Variants in ETV6 observed in about 807,000 individuals in gnomAD.
ETV6 encodes the protein transcription factor ETV6.
Under a neutral mutation model 51.1 loss-of-function variants are expected in ETV6, and 16 were observed. That is an observed-to-expected ratio of 0.31 (90% CI 0.21 to 0.48). The LOEUF (loss-of-function observed/expected upper bound fraction) is 0.48, where lower values mean the gene tolerates loss of function less well. Ranked by LOEUF, ETV6 falls within the 20% of genes least tolerant of loss-of-function variation. The pLI, the probability that ETV6 is intolerant of heterozygous loss-of-function variation, is 0.99. For synonymous variants in ETV6, 240 were observed against 224.1 expected (o/e 1.07, Z -0.64); for missense variants, 458 against 594.8 (o/e 0.77, Z 2.39).
At chr12:11,843,125 A>G (rs533348112) in intron 3 of ETV6, among the ~76,000 whole-genome samples, 8 of 152,238 alleles carry the variant, frequency 5.3e-5, no homozygotes, top group Non-Finnish European at 1.0e-4. Context: ...CAGAATTTCA[A>G]GGCGATGCCT....
chr12:11,662,490 G>A (rs537641061), intron 1 of ETV6, among the ~76,000 whole-genome samples: 8 of 152,328 alleles, frequency 5.3e-5, no homozygotes, highest in African/African-American at 1.7e-4. Context: ...GTGTGCGTTC[G>A]TTGTTAGCCA....
At chr12:11,885,781 G>A (rs904343243) in intron 6 of ETV6, 145 bp from the exon 7 acceptor site, 6 of 604,548 alleles carry the variant, frequency 9.9e-6, no homozygotes, top group South Asian at 2.1e-5. Context: ...GAAGGCAGCC[G>A]ATTAGCAGGT....
chr12:11,757,316 C>G (rs1263076200), intron 2 of ETV6, among the ~76,000 whole-genome samples: 1 of 152,184 alleles, frequency 6.6e-6, no homozygotes, highest in African/African-American at 2.4e-5. Context: ...AAGACAGCCA[C>G]GTGACAGGCA....
At chr12:11,834,366 C>A (rs1473957988) in intron 2 of ETV6, among the ~76,000 whole-genome samples, 1 of 152,148 alleles carries the variant, frequency 6.6e-6, no homozygotes. Flanking sequence ...GAACCTAGAG[C>A]AAATTCCTGT....
At chr12:11,730,021 T>C (rs534847117) in intron 1 of ETV6, among the ~76,000 whole-genome samples, 1 of 152,246 alleles carries the variant, frequency 6.6e-6, no homozygotes, top group African/African-American at 2.4e-5. Context: ...TACTGGGGGA[T>C]TTTTCTGTGC....
At chr12:11,689,243 AT>A (rs1428041052) in intron 1 of ETV6, among the ~76,000 whole-genome samples, 1 of 152,070 alleles carries the variant, frequency 6.6e-6, no homozygotes, top group Non-Finnish European at 1.5e-5. Flanking sequence ...CCATAATACA[AT>A]TTTATGCTGT....
chr12:11,863,209 A>C (rs143788263), intron 4 of ETV6, among the ~76,000 whole-genome samples: 81 of 152,298 alleles, frequency 5.3e-4, no homozygotes, highest in African/African-American at 1.9e-3. Context: ...GTTATTTATT[A>C]TTTATAGCAT....
intron 3 of ETV6, among the ~76,000 whole-genome samples, chr12:11,851,808 C>G (rs1400679914): frequency 4.6e-5 from 7 of 152,022 alleles, no homozygotes; most frequent in Admixed American, 1.3e-4. Context: ...CTCAGGAATC[C>G]CTTAGAATAG....
In ETV6 at chr12:11,708,060, G is replaced by A. The variant is rs569545902; in HGVS notation, c.34-44390G>A. 2.0e-5 allele frequency among the ~76,000 whole-genome samples: 3 copies of A among 152,224 alleles called. No individual in the cohort carries two copies. The South Asian group carries it at 6.2e-4, about 32-fold the overall frequency. ...ATTCTGTTATAATTTTGAATGTTCTGTTATGCTTCCCTCTGTGGTGAGCAT... is the reference window on the plus strand; with the variant it reads ...ATTCTGTTATAATTTTGAATGTTCTATTATGCTTCCCTCTGTGGTGAGCAT... On this transcript the variant is annotated intron_variant, in intron 1 of 7. Transcript: ENST00000396373.
chr12:11,788,265 C>T (rs561348312), intron 2 of ETV6, among the ~76,000 whole-genome samples: 28 of 152,220 alleles, frequency 1.8e-4, no homozygotes, highest in African/African-American at 5.3e-4. Flanking sequence ...TTTTAGATCT[C>T]GAACTAATAA....
intron 1 of ETV6, among the ~76,000 whole-genome samples, chr12:11,724,866 C>A (rs1300488037): frequency 1.3e-5 from 2 of 152,186 alleles, no homozygotes; most frequent in African/African-American, 4.8e-5. Context: ...AACATGAAAT[C>A]GTAGGCAGAC....
At chr12:11,804,424 C>A (rs918467000) in intron 2 of ETV6, among the ~76,000 whole-genome samples, 1 of 152,220 alleles carries the variant, frequency 6.6e-6, no homozygotes, top group Admixed American at 6.5e-5. Flanking sequence ...CCACCCTCAT[C>A]CTCCATCACC....
intron 2 of ETV6, among the ~76,000 whole-genome samples, chr12:11,800,997 G>A (rs191329560): frequency 1.3e-3 from 204 of 152,212 alleles, no homozygotes; most frequent in African/African-American, 4.6e-3. Flanking sequence ...GGTTTAGTCC[G>A]CCCTCCAAAG....
At chr12:11,727,621 C>T (rs1214566323) in intron 1 of ETV6, among the ~76,000 whole-genome samples, 1 of 152,118 alleles carries the variant, frequency 6.6e-6, no homozygotes, top group Non-Finnish European at 1.5e-5. Flanking sequence ...TGATTAAAAG[C>T]GTGGGGGGAA....
intron 2 of ETV6, among the ~76,000 whole-genome samples, chr12:11,827,716 T>C (rs1836726650): frequency 6.6e-6 from 1 of 152,126 alleles, no homozygotes; most frequent in Admixed American, 6.5e-5. Context: ...GCCTCCTCCA[T>C]GCAAGTGACG....
rs182608825 is a variant in ETV6, at chr12:11,687,263, C to T, written c.33+37103C>T. On this transcript the variant is annotated intron_variant, in intron 1 of 7. Coordinates refer to ENST00000396373, the MANE Select transcript of ETV6 (RefSeq NM_001987.5). ...GCAACCTCCGGCTCCCCGCTCCCCACGCCCCCCACCAGGTTCAAACGATTC... is the reference window on the plus strand; with the variant it reads ...GCAACCTCCGGCTCCCCGCTCCCCATGCCCCCCACCAGGTTCAAACGATTC... Among the ~76,000 whole-genome samples, 738 of 149,402 alleles carry T rather than the reference C, an allele frequency of 4.9e-3. 15 individuals carry two copies. Among genetic ancestry groups the T allele is most frequent in the African/African-American group, 0.017 (695 of 40,410 alleles).
intron 5 of ETV6, among the ~76,000 whole-genome samples, chr12:11,875,684 A>C (rs557961059): frequency 2.6e-4 from 40 of 152,216 alleles, no homozygotes; most frequent in Admixed American, 6.5e-5. Flanking sequence ...TCAAGAGTCT[A>C]GCCTCGAGCT....
intron 1 of ETV6, among the ~76,000 whole-genome samples, chr12:11,734,941 G>A (rs559588158): frequency 2.0e-5 from 3 of 152,250 alleles, no homozygotes; most frequent in Admixed American, 6.5e-5. Flanking sequence ...GGTCTTTTGT[G>A]ATAACAATAT....
chr12:11,778,507 A>G (rs1945367364), intron 2 of ETV6, among the ~76,000 whole-genome samples: 1 of 152,164 alleles, frequency 6.6e-6, no homozygotes, highest in African/African-American at 2.4e-5. Context: ...TGCTCTCAAT[A>G]TATGCGTGTT....
Sources: allele counts gnomAD v4.1 joint callset (sites outside exome capture counted in the v4.1 genomes callset), GRCh38; gene constraint gnomAD v4.1.1; transcripts MANE v1.5; gene names NCBI Gene and HGNC (gene_info 2026-07-23, HGNC 2026-07-21).